Variants in RNF121 observed in about 807,000 individuals in gnomAD.
RNF121 encodes the protein E3 ubiquitin ligase RNF121.
RNF121 carries 21 observed loss-of-function variants against 46.5 expected under a neutral mutation model. The observed-to-expected ratio is 0.45, with a 90% confidence interval of 0.32 to 0.65. The LOEUF (loss-of-function observed/expected upper bound fraction) is 0.65, where lower values mean the gene tolerates loss of function less well. Ranked by LOEUF, RNF121 falls within the 30% of genes least tolerant of loss-of-function variation. RNF121 has a pLI of 0.04. For synonymous variants in RNF121, 139 were observed against 144.7 expected (o/e 0.96, Z 0.28); for missense variants, 346 against 416.0 (o/e 0.83, Z 1.46).
intron 3 of RNF121, among the ~76,000 whole-genome samples, chr11:71,973,042 C>T (rs569845387): frequency 1.1e-4 from 16 of 152,152 alleles, no homozygotes; most frequent in Admixed American, 1.0e-3. Context: ...CACTGTTAGC[C>T]GGACATGGTG....
At chr11:71,982,314 C>A (rs890274977) in intron 3 of RNF121, among the ~76,000 whole-genome samples, 2 of 109,662 alleles carry the variant, frequency 1.8e-5, no homozygotes, top group African/African-American at 7.4e-5. Flanking sequence ...CCAACCTGGG[C>A]AACAGAGCAA....
At chr11:71,932,612 T>G (rs779917554) in intron 1 of RNF121, among the ~76,000 whole-genome samples, 2 of 152,196 alleles carry the variant, frequency 1.3e-5, no homozygotes, top group Non-Finnish European at 2.9e-5. Context: ...GTATTCCCTA[T>G]TTGTGATTGA....
intron 6 of RNF121, 63 bp downstream of exon 6, chr11:71,990,780 C>A: frequency 6.3e-7 from 1 of 1,588,920 alleles, no homozygotes; most frequent in Non-Finnish European, 8.6e-7. Context: ...AAGTTGATGT[C>A]ACTTGTTTAA....
At chr11:71,976,101 A>G (rs1459585272) in intron 3 of RNF121, among the ~76,000 whole-genome samples, 1 of 152,136 alleles carries the variant, frequency 6.6e-6, no homozygotes, top group Non-Finnish European at 1.5e-5. Flanking sequence ...ATTTATCTGA[A>G]GCCTTCTTGT....
intron 1 of RNF121, among the ~76,000 whole-genome samples, chr11:71,931,225 A>G (rs1953271016): frequency 6.6e-6 from 1 of 152,216 alleles, no homozygotes; most frequent in South Asian, 2.1e-4. Flanking sequence ...CTAGTAGTAT[A>G]ATAGACTTTA....
intron 3 of RNF121, among the ~76,000 whole-genome samples, chr11:71,967,349 GTTTTTTTT>G (rs770121817): frequency 9.9e-6 from 1 of 100,524 alleles, no homozygotes; most frequent in Non-Finnish European, 1.8e-5. Flanking sequence ...GGTTTTTTTT[GTTTTTTTT>G]TTTTTTTTTT....
intron 1 of RNF121, among the ~76,000 whole-genome samples, chr11:71,950,350 C>T (rs1004666794): frequency 6.6e-6 from 1 of 151,872 alleles, no homozygotes. Context: ...TTTGGAAGGC[C>T]GAGGTTAGTG....
chr11:71,982,888 G>A lies in RNF121; in HGVS notation c.371G>A (p.Arg124Gln), dbSNP rs770628367. 9.3e-6 allele frequency: 15 copies of A among 1,612,858 alleles called. No individual in the cohort carries two copies. Among genetic ancestry groups the A allele is most frequent in the East Asian group, 2.2e-5 (1 of 44,816 alleles). The part of the protein sequence containing the change: ...VTAFVTFRAT[R>Q]KPLVQTTPRL... ...GCCTTTGTTACCTTCCGAGCCACCC[G>A]AAAACCTCTAGTACAGACAACCCCA... is the stretch of plus-strand genomic sequence containing the variant. The change falls in exon 4 of 9, where the codon CGA (arginine) becomes CAA (glutamine). Residue 124 changes from arginine to glutamine, a missense_variant. Arg to Gln is a conservative substitution (Grantham distance 43). Around this residue, in one of 2 missense-constraint regions of RNF121, gnomAD observed 286 missense variants for 383.8 expected, o/e 0.75. Transcript: ENST00000361756.
intron 7 of RNF121, chr11:71,995,205 C>T: frequency 1.7e-6 from 1 of 580,498 alleles, no homozygotes; most frequent in Non-Finnish European, 3.1e-6. Flanking sequence ...ATGTATTTAC[C>T]CAGCTCCCAT....
rs112026959 is a variant in RNF121, at chr11:71,992,571, C to A, written c.627+1854C>A. Among the ~76,000 whole-genome samples the A allele has an allele frequency of 8.5e-3, 1,290 of 152,224 alleles. 10 individuals are homozygous for A. Among genetic ancestry groups the A allele is most frequent in the Non-Finnish European group, 0.014 (929 of 68,010 alleles). On this transcript the variant is annotated intron_variant, in intron 6 of 8. Transcript: ENST00000361756. Reference sequence around the variant, plus strand: ...TCGTTTCATTTAAAGTCACAGTTTCCAAGAAACTGTCAGTGAAGTGAGGAC... The same window carrying A: ...TCGTTTCATTTAAAGTCACAGTTTCAAAGAAACTGTCAGTGAAGTGAGGAC...
At chr11:71,963,713 A>T (rs1375385030) in intron 3 of RNF121, among the ~76,000 whole-genome samples, 2 of 152,200 alleles carry the variant, frequency 1.3e-5, no homozygotes, top group African/African-American at 4.8e-5. Context: ...ATCTAAGTTC[A>T]TTCTTTTGCA....
intron 2 of RNF121, among the ~76,000 whole-genome samples, chr11:71,959,124 GT>G (rs1422749931): frequency 1.3e-5 from 2 of 152,160 alleles, no homozygotes; most frequent in African/African-American, 4.8e-5. Context: ...ATATAGGTGG[GT>G]CTGAATCTAA....
rs779660406 is a variant in RNF121 at position 71,995,569 on chromosome 11, C to A, written c.863+18C>A. 1.3e-6 allele frequency: 2 copies of A among 1,557,448 alleles called. No individual in the cohort carries two copies. Among genetic ancestry groups the A allele is most frequent in the East Asian group, 2.4e-5 (1 of 42,354 alleles). Reference sequence around the variant, plus strand: ...AGCAATCCGTATCCTTTATTGGGGTCGTTGTTGGGAGTGGGCTGTGGGAAG... The same window carrying A: ...AGCAATCCGTATCCTTTATTGGGGTAGTTGTTGGGAGTGGGCTGTGGGAAG... On this transcript the variant is annotated intron_variant, in intron 8 of 8. Coordinates refer to ENST00000361756, the MANE Select transcript of RNF121 (RefSeq NM_018320.5).
intron 1 of RNF121, among the ~76,000 whole-genome samples, chr11:71,949,023 CATATT>C (rs1399024045): frequency 9.9e-5 from 15 of 152,150 alleles, no homozygotes; most frequent in African/African-American, 3.6e-4. Flanking sequence ...TTATCCTTAT[CATATT>C]ATTTTATATT....
chr11:71,966,526 G>T (rs1954281828), intron 3 of RNF121, among the ~76,000 whole-genome samples: 2 of 151,666 alleles, frequency 1.3e-5, no homozygotes, highest in Admixed American at 1.3e-4. Flanking sequence ...CTGTCACCCA[G>T]GCTGGAGGGC....
chr11:71,990,502 C>T, intron 5 of RNF121, 95 bp from the exon 6 acceptor site: 2 of 1,494,758 alleles, frequency 1.3e-6, no homozygotes, highest in Non-Finnish European at 1.8e-6. Flanking sequence ...TTTGGGCCTT[C>T]TCGCTTTGGG....
Position 71,995,478 on chromosome 11 carries a change from T to A in RNF121, c.790T>A (p.Cys264Ser), listed in dbSNP as rs771042122. The A allele has an allele frequency of 1.9e-6, 3 of 1,587,848 alleles. No individual in the cohort carries two copies. Among genetic ancestry groups the A allele is most frequent in the African/African-American group, 1.3e-5 (1 of 74,434 alleles). ...VFHEFCIRGWCIVGKKQTCPY... is the reference protein window; with the variant it reads ...VFHEFCIRGWSIVGKKQTCPY... ...CCACGAGTTCTGCATCCGTGGCTGG[T>A]GCATCGTGGGAAAGAAGCAAACGTG... The change falls in exon 8 of 9, where the codon TGC (cysteine) becomes AGC (serine). Residue 264 changes from cysteine (C) to serine (S), a missense_variant. Physicochemically the swap from Cys to Ser is moderately radical, Grantham distance 112 (BLOSUM62 -1). Transcript: ENST00000361756.
intron 1 of RNF121, among the ~76,000 whole-genome samples, chr11:71,952,153 A>G (rs1184807691): frequency 6.6e-6 from 1 of 152,246 alleles, no homozygotes; most frequent in Non-Finnish European, 1.5e-5. Context: ...CGAATGAACT[A>G]CAGTACATGC....
Position 71,990,671 on chromosome 11 carries a change from G to T in RNF121, c.581G>T (p.Arg194Leu). 1 of 1,614,174 alleles carries T rather than the reference G, an allele frequency of 6.2e-7. No individual in the cohort carries two copies. The highest frequency in any genetic ancestry group is 8.5e-7 in the Non-Finnish European group (1 of 1,180,036). The change falls in exon 6 of 9, where the codon CGG becomes CTG. Residue 194 changes from arginine (R) to leucine (L), a missense_variant. Arg to Leu is a moderately radical substitution (Grantham distance 102). Transcript: ENST00000361756. ...GGCCTCTACTATGGAGTTCTGGAAC[G>T]GGACTTTGCAGAAATGTGTGCAGAC... ...FYGLYYGVLE[R>L]DFAEMCADYM...
Sources: allele counts gnomAD v4.1 joint callset (sites outside exome capture counted in the v4.1 genomes callset), GRCh38; gene constraint gnomAD v4.1.1; regional missense constraint gnomAD v4.1.1; transcripts MANE v1.5; gene names NCBI Gene and HGNC (gene_info 2026-07-23, HGNC 2026-07-21).